Variants in SCAF4 observed in about 807,000 individuals in gnomAD.
The protein encoded by SCAF4 is SR-related and CTD-associated factor 4.
A neutral mutation model predicts 129.8 loss-of-function variants in SCAF4; 25 were observed. That is an observed-to-expected ratio of 0.19 (90% CI 0.14 to 0.27). SCAF4 has a LOEUF of 0.27. SCAF4 is among the 10% of genes least tolerant of loss of function. The pLI is 1.00. For missense variants in SCAF4, 1,246 were observed against 1,457.1 expected, an observed-to-expected ratio of 0.86 and a Z score of 2.36; for synonymous variants, 551 against 497.7, an observed-to-expected ratio of 1.11 and a Z score of -1.43.
intron 1 of SCAF4, among the ~76,000 whole-genome samples, chr21:31,719,763 C>T (rs1445949770): frequency 6.6e-6 from 1 of 152,158 alleles, no homozygotes; most frequent in Admixed American, 6.5e-5. Context: ...CTTGGCCTCC[C>T]AAAGTGCTGG....
intron 1 of SCAF4, among the ~76,000 whole-genome samples, chr21:31,728,042 A>T (rs1466853570): frequency 6.6e-6 from 1 of 152,092 alleles, no homozygotes; most frequent in Admixed American, 6.5e-5. Context: ...TGTATCAGAG[A>T]TGGACGTCTT....
At chr21:31,725,085 A>T (rs2051168888) in intron 1 of SCAF4, among the ~76,000 whole-genome samples, 1 of 151,914 alleles carries the variant, frequency 6.6e-6, no homozygotes, top group Non-Finnish European at 1.5e-5. Context: ...ACATTCAAAA[A>T]CTCCTGGGAT....
chr21:31,680,320 G>A (rs888490797), intron 19 of SCAF4, among the ~76,000 whole-genome samples: 12 of 152,136 alleles, frequency 7.9e-5, no homozygotes, highest in African/African-American at 9.7e-5. Context: ...TCATATCCAC[G>A]CCAAGTATTT....
At chr21:31,708,580 A>G (rs2050724364) in intron 1 of SCAF4, among the ~76,000 whole-genome samples, 1 of 152,160 alleles carries the variant, frequency 6.6e-6, no homozygotes, top group Non-Finnish European at 1.5e-5. Flanking sequence ...GTTGCTTATT[A>G]TTGTTCTATT....
At chr21:31,722,429 A>G (rs1040108821) in intron 1 of SCAF4, among the ~76,000 whole-genome samples, 2 of 152,148 alleles carry the variant, frequency 1.3e-5, no homozygotes, top group African/African-American at 4.8e-5. Flanking sequence ...TGGCATAAAT[A>G]TTTACAAACA....
intron 19 of SCAF4, among the ~76,000 whole-genome samples, chr21:31,679,584 T>C (rs1402918831): frequency 6.6e-6 from 1 of 152,212 alleles, no homozygotes; most frequent in African/African-American, 2.4e-5. Context: ...GATTGTATTA[T>C]ACATTAAGAT....
rs1229050945 is a variant in SCAF4, at chr21:31,702,329, T to G, written c.372A>C (p.Lys124Asn). Reference sequence around the variant, plus strand: ...CCAAAAGAGGTTGAATAATTTCAATTTTGAACACTCCATTTTTTTGCCAAA... The same window carrying G: ...CCAAAAGAGGTTGAATAATTTCAATGTTGAACACTCCATTTTTTTGCCAAA... Reference protein sequence around the residue: ...LNLWQKNGVFKIEIIQPLLDM... With the variant: ...LNLWQKNGVFNIEIIQPLLDM... The change falls in exon 5 of 20, where the codon AAA becomes AAC. Residue 124 changes from lysine to asparagine, a missense_variant. Physicochemically the swap from Lys to Asn is moderately conservative, Grantham distance 94 (BLOSUM62 0). Coordinates refer to ENST00000286835, the MANE Select transcript of SCAF4 (RefSeq NM_020706.2). The G allele has an allele frequency of 6.2e-7, 1 of 1,614,006 alleles. No individual in the cohort carries two copies. The highest frequency in any genetic ancestry group is 1.3e-5 in the African/African-American group (1 of 74,930).
chr21:31,704,788 T>C (rs908864262), intron 3 of SCAF4, among the ~76,000 whole-genome samples: 1 of 152,334 alleles, frequency 6.6e-6, no homozygotes, highest in Non-Finnish European at 1.5e-5. Context: ...ATTTGTACTT[T>C]GATGTACTAC....
intron 1 of SCAF4, among the ~76,000 whole-genome samples, chr21:31,707,754 G>C (rs1444294359): frequency 6.6e-6 from 1 of 152,182 alleles, no homozygotes; most frequent in Non-Finnish European, 1.5e-5. Flanking sequence ...AAATATGAGT[G>C]TTTTCTCAGA....
chr21:31,712,308 C>A (rs71321398), intron 1 of SCAF4, among the ~76,000 whole-genome samples: 34,328 of 149,342 alleles, frequency 0.23, 4,441 homozygotes, highest in East Asian at 0.32. Context: ...ACCTCTGCCT[C>A]CCGGTTTCAA....
intron 6 of SCAF4, 102 bp from the exon 7 acceptor site, chr21:31,701,273 T>C (rs377425766): frequency 1.7e-5 from 17 of 1,014,868 alleles, no homozygotes; most frequent in East Asian, 1.3e-4. Flanking sequence ...CAAAGTAGCA[T>C]AGGCACAGAA....
At chr21:31,717,828 T>C (rs1052968973) in intron 1 of SCAF4, among the ~76,000 whole-genome samples, 1 of 80,214 alleles carries the variant, frequency 1.2e-5, no homozygotes, top group Non-Finnish European at 2.6e-5. Context: ...ACTGCTGCCA[T>C]ATATATATAT....
Position 31,703,621 on chromosome 21 carries a change from A to G in SCAF4, c.321+144T>C, listed in dbSNP as rs1568848812. 8.5e-6 allele frequency: 4 copies of G among 471,072 alleles called. No homozygotes were observed. The South Asian group carries it at 1.8e-4, about 21-fold the overall frequency. 29.2% of individuals were successfully genotyped at this position (471,072 alleles called of 1,614,324 possible). A position where few individuals can be genotyped will look rare whatever the true frequency, so the allele number is the denominator to read the frequency against. On this transcript the variant is annotated intron_variant, in intron 4 of 19. Transcript: ENST00000286835. ...AAAATAAACACGAAATGACCACTGA[A>G]GAAAAAAACTGTTTTGTTTCAAGCT...
chr21:31,685,133 C>T lies in SCAF4; in HGVS notation c.2404G>A (p.Val802Met), dbSNP rs370859148. ...GGCACGGCAGAGCCATACATTTTCA[C>T]GCTGTCACCAGACTCGGCGTTTCCT... ...ARGNAESGDS[V>M]KMYGSAVPPA... Residue 802 changes from valine to methionine, a missense_variant, in exon 19 of 20, where the codon GTG (valine) becomes ATG (methionine). Val to Met is a conservative substitution (Grantham distance 21). Around this residue, in one of 6 missense-constraint regions of SCAF4, gnomAD observed 468 missense variants for 605.5 expected, o/e 0.77. Transcript: ENST00000286835. 19 of 1,612,914 alleles carry T rather than the reference C, an allele frequency of 1.2e-5. No homozygotes were observed. Among genetic ancestry groups the T allele is most frequent in the Middle Eastern group, 1.8e-4 (1 of 5,476 alleles).
At chr21:31,681,933 A>G (rs548526535) in intron 19 of SCAF4, among the ~76,000 whole-genome samples, 1 of 152,274 alleles carries the variant, frequency 6.6e-6, no homozygotes, top group East Asian at 1.9e-4. Context: ...AAATATTGCC[A>G]CATTTCACAA....
chr21:31,726,764 T>C (rs571286857), intron 1 of SCAF4, among the ~76,000 whole-genome samples: 2 of 152,336 alleles, frequency 1.3e-5, no homozygotes, highest in East Asian at 1.9e-4. Flanking sequence ...GAAAAGTTCA[T>C]TGCAGCCTGT....
chr21:31,703,028 T>C (rs2050572131), intron 4 of SCAF4, among the ~76,000 whole-genome samples: 1 of 152,198 alleles, frequency 6.6e-6, no homozygotes, highest in African/African-American at 2.4e-5. Flanking sequence ...TCAGCTACTA[T>C]ATCTGTAATG....
In SCAF4 at chr21:31,700,854, G is replaced by T. The variant is rs752030871; in HGVS notation, c.777+141C>A. 5.2e-6 allele frequency: 5 copies of T among 958,052 alleles called. No individual in the cohort carries two copies. In the East Asian group the frequency reaches 1.0e-4, roughly 20 times the overall value. The allele number at this position is 958,052 out of a possible 1,614,324, so 59.3% of individuals were successfully genotyped here. A position where few individuals can be genotyped will look rare whatever the true frequency, so the allele number is the denominator to read the frequency against. On this transcript the variant is annotated intron_variant, in intron 7 of 19. Coordinates refer to ENST00000286835, the MANE Select transcript of SCAF4 (RefSeq NM_020706.2). ...TTTAAAACCAGGGAAAATAATCGATGTTTTCTTGTTGAGGGGGAAAATCTC... is the reference window on the plus strand; with the variant it reads ...TTTAAAACCAGGGAAAATAATCGATTTTTTCTTGTTGAGGGGGAAAATCTC...
chr21:31,731,455 CA>C (rs1432434489), intron 1 of SCAF4, among the ~76,000 whole-genome samples: 1 of 151,498 alleles, frequency 6.6e-6, no homozygotes, highest in Non-Finnish European at 1.5e-5. Flanking sequence ...CGGGGGTGGG[CA>C]GTGGGGGGAG....
Sources: allele counts gnomAD v4.1 joint callset (sites outside exome capture counted in the v4.1 genomes callset), GRCh38; gene constraint gnomAD v4.1.1; regional missense constraint gnomAD v4.1.1; transcripts MANE v1.5; gene names NCBI Gene and HGNC (gene_info 2026-07-23, HGNC 2026-07-21).